The following TBATA variants were observed in gnomAD, a reference collection of about 807,000 sequenced individuals.
TBATA encodes the protein thymus, brain and testes associated.
A neutral mutation model predicts 38.7 loss-of-function variants in TBATA; 47 were observed. The ratio of observed to expected loss-of-function variants is 1.21; its 90% CI spans 0.96 to 1.55. The LOEUF is 1.55. Among genes scored for constraint, TBATA ranks in the 40% most tolerant of loss-of-function variants. TBATA has a pLI of 0.00. For missense variants in TBATA, 436 were observed against 435.6 expected, an observed-to-expected ratio of 1.00 and a Z score of -0.01; for synonymous variants, 183 against 170.5, an observed-to-expected ratio of 1.07 and a Z score of -0.57.
At chr10:70,772,625 G>A (rs920730155) in intron 9 of TBATA, 59 bp from the exon 10 acceptor site, 21 of 1,578,804 alleles carry the variant, frequency 1.3e-5, no homozygotes, top group Non-Finnish European at 1.8e-5. Context: ...GACCCCACGG[G>A]TGGCAGGGGA....
At chr10:70,774,506 C>G in intron 8 of TBATA, 149 bp from the exon 9 acceptor site, 2 of 703,306 alleles carry the variant, frequency 2.8e-6, no homozygotes, top group Non-Finnish European at 4.7e-6. Flanking sequence ...GCTCCCCCTT[C>G]TCTCCTGGCC....
chr10:70,775,307 A>C lies in TBATA; in HGVS notation c.694-37T>G, dbSNP rs764161244. The C allele has an allele frequency of 4.4e-6, 7 of 1,581,338 alleles. No individual in the cohort carries two copies. The East Asian group carries it at 1.1e-4, about 25-fold the overall frequency. The stretch of plus-strand genomic sequence containing the variant: ...AGGCCAGCACATTCCAGCCAGGAGT[A>C]CAGGCAAGGAGTACAGGCAAATGTA... On this transcript the variant is annotated intron_variant, in intron 7 of 10. Coordinates refer to ENST00000456372, the MANE Select transcript of TBATA (RefSeq NM_001318241.2).
At chr10:70,772,681 T>A in intron 9 of TBATA, 115 bp from the exon 10 acceptor site, 1 of 1,106,638 alleles carries the variant, frequency 9.0e-7, no homozygotes, top group Non-Finnish European at 1.4e-6. Context: ...AGCTGTCTGC[T>A]CCAGGGAGAG....
At chr10:70,784,293 G>A (rs1214245604) in intron 2 of TBATA, among the ~76,000 whole-genome samples, 1 of 152,140 alleles carries the variant, frequency 6.6e-6, no homozygotes, top group African/African-American at 2.4e-5. Flanking sequence ...TAGTGATGAT[G>A]TTCTTGTTCT....
chr10:70,775,092 T>C, intron 8 of TBATA, 97 bp downstream of exon 8: 1 of 1,179,836 alleles, frequency 8.5e-7, no homozygotes, highest in South Asian at 1.5e-5. Context: ...CCCTCCAGGG[T>C]GGGAGCTGAG....
At position 70,774,230 on chromosome 10, in the gene TBATA, C is replaced by T. The variant is rs1197306492; in HGVS notation, c.903G>A (p.Lys301=). 1 of 1,612,298 alleles carries T rather than the reference C, an allele frequency of 6.2e-7. No individual in the cohort carries two copies. Among genetic ancestry groups the T allele is most frequent in the East Asian group, 2.2e-5 (1 of 44,866 alleles). Residue 301 remains lysine, a synonymous_variant, in exon 9 of 11, where the codon AAG becomes AAA. Transcript: ENST00000456372. ...LPEVHEPPQE[K]QEPPCSQSPK... ...GGGCCCACCTGCAGGGTGGCTCTTG[C>T]TTCTCTTGAGGAGGTTCATGCACTT...
chr10:70,779,090 C>G (rs376954691), intron 5 of TBATA, among the ~76,000 whole-genome samples: 2 of 152,214 alleles, frequency 1.3e-5, no homozygotes, highest in East Asian at 1.9e-4. Context: ...CCAAGTCTCT[C>G]TGCCCTGCAC....
At chr10:70,782,226 A>G (rs757929439) in intron 3 of TBATA, 190 bp from the exon 4 acceptor site, 272 of 1,374,920 alleles carry the variant, frequency 2.0e-4, no homozygotes, top group Non-Finnish European at 2.5e-4. Context: ...AACTGGTGCA[A>G]TCCTGTCCTG....
Position 70,781,797 on chromosome 10 carries a change from C to T in TBATA, c.277+4G>A, listed in dbSNP as rs1275945851. 1.9e-6 allele frequency: 3 copies of T among 1,613,412 alleles called. No homozygotes were observed. The highest frequency in any genetic ancestry group is 2.5e-6 in the Non-Finnish European group (3 of 1,179,448). On this transcript the variant is annotated splice_donor_region_variant and intron_variant, in intron 4 of 10. Coordinates refer to ENST00000456372, the MANE Select transcript of TBATA (RefSeq NM_001318241.2). The stretch of plus-strand genomic sequence containing the variant: ...TGCTCCCACCCCAACCAGCCAGGCC[C>T]TACCTTGGATGTGGGTCACGTGCTG...
rs1049717513 is a variant in TBATA, at chr10:70,774,103, C to T, written c.920+110G>A. On this transcript the variant is annotated intron_variant, in intron 9 of 10. Transcript: ENST00000456372. The stretch of plus-strand genomic sequence containing the variant: ...GCTGGGCCTCTGCCTCCAGGACAGA[C>T]TTAGTCAGCCCAGACCCTGGTCAGC... The T allele has an allele frequency of 2.8e-6, 4 of 1,439,426 alleles. No individual in the cohort carries two copies. In the Admixed American group the frequency reaches 6.5e-5, roughly 23 times the overall value. 89.2% of individuals were successfully genotyped at this position (1,439,426 alleles called of 1,614,324 possible).
intron 7 of TBATA, chr10:70,776,499 T>C (rs1181345168): frequency 2.3e-6 from 1 of 443,324 alleles, no homozygotes; most frequent in East Asian, 7.1e-5. Flanking sequence ...ATGGAGGTGC[T>C]GAACCCTGTC....
At chr10:70,779,794 C>T (rs374159036) in intron 4 of TBATA, 52 bp from the exon 5 acceptor site, 5 of 1,491,580 alleles carry the variant, frequency 3.4e-6, no homozygotes, top group Non-Finnish European at 4.4e-6. Context: ...ACCTTAAGAG[C>T]TCCAGGAGGC....
chr10:70,784,985 G>A (rs1844697575), intron 1 of TBATA, among the ~76,000 whole-genome samples: 1 of 151,796 alleles, frequency 6.6e-6, no homozygotes, highest in African/African-American at 2.4e-5. Context: ...TTTCTTAAAT[G>A]TTAGATATGA....
intron 7 of TBATA, 77 bp downstream of exon 7, chr10:70,777,075 AG>A: frequency 1.4e-6 from 2 of 1,466,970 alleles, no homozygotes; most frequent in Admixed American, 2.2e-5. Flanking sequence ...TATCCCTGGG[AG>A]GGGCCTTGCC....
intron 6 of TBATA, among the ~76,000 whole-genome samples, chr10:70,778,277 C>G (rs1337352086): frequency 6.6e-6 from 1 of 152,098 alleles, no homozygotes; most frequent in Non-Finnish European, 1.5e-5. Flanking sequence ...AGCTTTTGAG[C>G]TGCTGTGCTA....
At chr10:70,783,058 C>A (rs1020731192) in intron 3 of TBATA, among the ~76,000 whole-genome samples, 1 of 152,236 alleles carries the variant, frequency 6.6e-6, no homozygotes, top group Non-Finnish European at 1.5e-5. Flanking sequence ...CCCCAAGTAA[C>A]AGAGGAAGTC....
chr10:70,783,690 GC>G (rs1844543979), intron 2 of TBATA, among the ~76,000 whole-genome samples, 165 bp from the exon 3 acceptor site: 1 of 152,172 alleles, frequency 6.6e-6, no homozygotes, highest in Non-Finnish European at 1.5e-5. Context: ...AAACCTGGTG[GC>G]AACCCAAATG....
intron 9 of TBATA, 104 bp downstream of exon 9, chr10:70,774,109 C>T: frequency 2.0e-6 from 3 of 1,467,492 alleles, no homozygotes; most frequent in Non-Finnish European, 1.8e-6. Context: ...CAGACTTAGT[C>T]AGCCCAGACC....
intron 7 of TBATA, chr10:70,776,375 G>A (rs1347197848): frequency 2.2e-6 from 1 of 456,334 alleles, no homozygotes; most frequent in East Asian, 6.9e-5. Flanking sequence ...TCCAGGTGAG[G>A]TGAGGCCGCC....
Sources: allele counts gnomAD v4.1 joint callset (sites outside exome capture counted in the v4.1 genomes callset), GRCh38; gene constraint gnomAD v4.1.1; transcripts MANE v1.5; gene names NCBI Gene and HGNC (gene_info 2026-07-23, HGNC 2026-07-21).